SAMD12: variants seen among roughly 807,000 people sequenced by gnomAD.
The protein encoded by SAMD12 is sterile alpha motif domain containing 12.
SAMD12 carries 9 observed loss-of-function variants against 15.0 expected under a neutral mutation model. The ratio of observed to expected loss-of-function variants is 0.60; its 90% confidence interval spans 0.36 to 1.05. SAMD12 has a LOEUF of 1.05. SAMD12 is among the 50% of genes least tolerant of loss of function. SAMD12 has a pLI of 0.01. For missense variants in SAMD12, 230 were observed against 234.2 expected (o/e 0.98, Z 0.12); for synonymous variants, 86 against 90.1 (o/e 0.96, Z 0.25).
At chr8:118,597,084 G>A (rs910022344) in intron 1 of SAMD12, among the ~76,000 whole-genome samples, 5 of 152,152 alleles carry the variant, frequency 3.3e-5, no homozygotes, top group Non-Finnish European at 5.9e-5. Context: ...CATGCATGGG[G>A]CACAGAGGGT....
At chr8:118,401,131 C>T (rs1586669064) in intron 3 of SAMD12, among the ~76,000 whole-genome samples, 1 of 152,120 alleles carries the variant, frequency 6.6e-6, no homozygotes, top group South Asian at 2.1e-4. Flanking sequence ...GTTGTATTTT[C>T]CAGTGCCAAA....
intron 4 of SAMD12, among the ~76,000 whole-genome samples, chr8:118,270,145 C>T (rs1231057461): frequency 1.3e-4 from 20 of 152,138 alleles, no homozygotes; most frequent in Admixed American, 1.3e-3. Context: ...ACTGTCTGCT[C>T]CCTAAATGGA....
downstream of SAMD12, among the ~76,000 whole-genome samples, chr8:118,377,645 A>G (rs1247660580): frequency 6.6e-6 from 1 of 152,188 alleles, no homozygotes; most frequent in Non-Finnish European, 1.5e-5. Flanking sequence ...AGACCTGAGT[A>G]CTATCTTAGG....
the SAMD12 span, among the ~76,000 whole-genome samples, chr8:118,150,055 C>T: frequency 2.6e-5 from 4 of 152,146 alleles, no homozygotes; most frequent in Non-Finnish European, 5.9e-5. Context: ...AGTCTGAAGA[C>T]ATTTTTTATT....
At chr8:118,412,087 C>G (rs2130816022) in intron 3 of SAMD12, among the ~76,000 whole-genome samples, 1 of 152,272 alleles carries the variant, frequency 6.6e-6, no homozygotes, top group South Asian at 2.1e-4. Flanking sequence ...TAGCCCTCAC[C>G]TAGAGGGTAA....
intron 2 of SAMD12, among the ~76,000 whole-genome samples, chr8:118,449,146 A>G (rs976799537): frequency 6.7e-6 from 1 of 148,270 alleles, no homozygotes; most frequent in African/African-American, 2.5e-5. Context: ...CACTGCAACC[A>G]CTGCCTCCCA....
intron 4 of SAMD12, among the ~76,000 whole-genome samples, chr8:118,318,333 T>C (rs1235249641): frequency 1.5e-5 from 2 of 136,380 alleles, no homozygotes; most frequent in African/African-American, 5.5e-5. Context: ...TATATATATA[T>C]ATATATATAT....
At chr8:118,390,236 C>T (rs1820197454) in intron 3 of SAMD12, among the ~76,000 whole-genome samples, 1 of 152,126 alleles carries the variant, frequency 6.6e-6, no homozygotes, top group Admixed American at 6.5e-5. Flanking sequence ...TCTTGATCTC[C>T]TGACCTCGTA....
At chr8:118,161,704 AATTATTT>A in the SAMD12 span, among the ~76,000 whole-genome samples, 1 of 79,724 alleles carries the variant, frequency 1.3e-5, no homozygotes, top group Non-Finnish European at 3.5e-5. Context: ...ATTAATAATA[AATTATTT>A]ATTATTATTA....
intron 1 of SAMD12, among the ~76,000 whole-genome samples, chr8:118,612,103 C>T (rs1042136081): frequency 1.5e-4 from 23 of 152,192 alleles, no homozygotes; most frequent in African/African-American, 4.6e-4. Context: ...TCAGGCTTCA[C>T]GAGATGGAGT....
chr8:118,200,826 A>G (rs1197814317), intron 4 of SAMD12, among the ~76,000 whole-genome samples: 1 of 152,084 alleles, frequency 6.6e-6, no homozygotes, highest in Non-Finnish European at 1.5e-5. Context: ...TCTTCCTATT[A>G]TTATTTTTTG....
At chr8:118,375,613 T>C (rs544941468), downstream of SAMD12, 1 of 152,320 alleles carries the variant, frequency 6.6e-6, no homozygotes, top group African/African-American at 2.4e-5. Context: ...ACAACATCCC[T>C]ATTTGGTGAG....
intron 4 of SAMD12, among the ~76,000 whole-genome samples, chr8:118,331,189 A>T (rs950798804): frequency 6.6e-6 from 1 of 152,174 alleles, no homozygotes; most frequent in Non-Finnish European, 1.5e-5. Flanking sequence ...GGAAAAAGGC[A>T]AGTGAAAGTG....
chr8:118,319,313 T>C (rs905808801), intron 4 of SAMD12, among the ~76,000 whole-genome samples: 3 of 152,090 alleles, frequency 2.0e-5, no homozygotes, highest in African/African-American at 4.8e-5. Flanking sequence ...ACAGTATTCA[T>C]CAAGTAAGAA....
At chr8:118,194,365 A>G (rs1819495795) in exon 5 of SAMD12, 1 of 152,132 alleles carries the variant, frequency 6.6e-6, no homozygotes, top group African/African-American at 2.4e-5. Context: ...GTACGCCACT[A>G]CCCGCAAAGA....
intron 4 of SAMD12, among the ~76,000 whole-genome samples, chr8:118,366,415 T>A (rs1818770328): frequency 1.3e-5 from 2 of 152,242 alleles, no homozygotes; most frequent in African/African-American, 4.8e-5. Flanking sequence ...TTCATCCCTG[T>A]ATCCCTAACA....
At chr8:118,295,406 C>A (rs916951791) in intron 4 of SAMD12, among the ~76,000 whole-genome samples, 4 of 152,114 alleles carry the variant, frequency 2.6e-5, no homozygotes, top group African/African-American at 4.8e-5. Context: ...CTGAACTAAC[C>A]AATATTCTGC....
intron 4 of SAMD12, among the ~76,000 whole-genome samples, chr8:118,308,522 G>A (rs1815458660): frequency 6.6e-6 from 1 of 152,120 alleles, no homozygotes; most frequent in African/African-American, 2.4e-5. Context: ...GTAAATGTTG[G>A]TGCTGAGATA....
At chr8:118,490,118 G>A (rs1458627255) in intron 2 of SAMD12, among the ~76,000 whole-genome samples, 1 of 152,096 alleles carries the variant, frequency 6.6e-6, no homozygotes, top group Non-Finnish European at 1.5e-5. Context: ...ATAAGAGTCT[G>A]CTATTGTTGA....
Sources: allele counts gnomAD v4.1 joint callset (sites outside exome capture counted in the v4.1 genomes callset), GRCh38; gene constraint gnomAD v4.1.1; transcripts MANE v1.5; gene names NCBI Gene and HGNC (gene_info 2026-07-23, HGNC 2026-07-21).